The following IL7 variants were observed in gnomAD, a reference collection of about 807,000 sequenced individuals.
IL7 encodes the protein interleukin-7.
Under a neutral mutation model 21.6 loss-of-function variants are expected in IL7, and 3 were observed. That is an observed-to-expected ratio of 0.14 (90% CI 0.06 to 0.36). The LOEUF is 0.36. Among genes scored for constraint, IL7 ranks in the 10% least tolerant of loss-of-function variants. IL7 has a pLI of 1.00. For synonymous variants in IL7, 62 were observed against 68.1 expected, an observed-to-expected ratio of 0.91 and a Z score of 0.44; for missense variants, 175 against 200.2, an observed-to-expected ratio of 0.87 and a Z score of 0.76.
At chr8:78,729,604 G>C (rs1811389350), downstream of IL7, among the ~76,000 whole-genome samples, 1 of 151,922 alleles carries the variant, frequency 6.6e-6, no homozygotes, top group Non-Finnish European at 1.5e-5. Context: ...GGGATGCCAG[G>C]CAAGAAGGAG....
rs796296503 is a variant in IL7, at chr8:78,763,704, T to G, written c.148-23622A>C. Among the ~76,000 whole-genome samples the G allele has an allele frequency of 3.2e-4, 49 of 152,284 alleles. 1 individual carries two copies. The highest frequency in any genetic ancestry group is 1.1e-3 in the African/African-American group (44 of 41,578). On this transcript the variant is annotated intron_variant, in intron 2 of 5. Transcript: ENST00000263851. Reference sequence around the variant, plus strand: ...AATGATGTTACAAAACAAAAAATACTAATCCCAGATGAGTTTATTGCTGAA... The same window carrying G: ...AATGATGTTACAAAACAAAAAATACGAATCCCAGATGAGTTTATTGCTGAA...
intron 2 of IL7, among the ~76,000 whole-genome samples, chr8:78,750,773 G>A (rs1477209915): frequency 1.3e-5 from 2 of 152,130 alleles, no homozygotes; most frequent in Non-Finnish European, 2.9e-5. Context: ...TCTGTGAGCC[G>A]AGATCGTGCC....
At chr8:78,795,962 GAC>G (rs1256855991) in intron 2 of IL7, among the ~76,000 whole-genome samples, 1 of 152,030 alleles carries the variant, frequency 6.6e-6, no homozygotes, top group Non-Finnish European at 1.5e-5. Context: ...ATGTGGAAGA[GAC>G]AGTGGAGTAA....
At chr8:78,794,349 A>G (rs1813788413) in intron 2 of IL7, among the ~76,000 whole-genome samples, 1 of 152,128 alleles carries the variant, frequency 6.6e-6, no homozygotes, top group South Asian at 2.1e-4. Flanking sequence ...AACAGATGTT[A>G]TATTAGCAGT....
chr8:78,698,451 T>A (rs1315494289), intron 3 of IL7: 1 of 1,613,338 alleles, frequency 6.2e-7, no homozygotes, highest in Non-Finnish European at 8.5e-7. Flanking sequence ...GTAGCAGCTC[T>A]TTGGGAAACA....
chr8:78,748,038 A>G (rs1485442083), intron 2 of IL7, among the ~76,000 whole-genome samples: 3 of 152,212 alleles, frequency 2.0e-5, no homozygotes, highest in African/African-American at 7.2e-5. Context: ...ATGTGGCTAG[A>G]AAGAAGAGAG....
chr8:78,678,732 A>T (rs1809667125), intron 4 of IL7: 1 of 1,240,394 alleles, frequency 8.1e-7, no homozygotes, highest in South Asian at 1.5e-5. Flanking sequence ...GTATGTTGAA[A>T]AATATTATAT....
intron 2 of IL7, among the ~76,000 whole-genome samples, chr8:78,763,593 C>T (rs1014036801): frequency 5.9e-5 from 9 of 152,124 alleles, no homozygotes; most frequent in African/African-American, 2.2e-4. Flanking sequence ...GCATCAATTA[C>T]TCAAAAGGCA....
In IL7 at chr8:78,805,032, T is replaced by C. The variant is rs1814277593; in HGVS notation, c.-110A>G. ...TGGTCTTCCGCGGAGTTGCCGAGTC[T>C]GTGTTGGGCAGGGTGATCTCTGCAG... On this transcript the variant is annotated 5_prime_UTR_variant, in exon 1 of 6. Coordinates refer to ENST00000263851, the MANE Select transcript of IL7 (RefSeq NM_000880.4). 9.0e-6 allele frequency: 11 copies of C among 1,227,092 alleles called. No individual in the cohort carries two copies. The South Asian group carries it at 1.4e-4, about 16-fold the overall frequency. 76.0% of individuals were successfully genotyped at this position (1,227,092 alleles called of 1,614,324 possible).
rs1488753599 is a variant in IL7 at position 78,720,605 on chromosome 8, A to G, written n.476+415T>C. Among the ~76,000 whole-genome samples, 5 of 152,022 alleles carry G rather than the reference A, an allele frequency of 3.3e-5. No individual in the cohort carries two copies. The South Asian group carries it at 8.3e-4, about 25-fold the overall frequency. On this transcript the variant is annotated intron_variant and non_coding_transcript_variant, in intron 5 of 6. Transcript: ENST00000519833. Reference sequence around the variant, plus strand: ...TATGATTTTTTGACAACACGAAACTACAGAGATTTATAAGGGTAGTTTTCT... The same window carrying G: ...TATGATTTTTTGACAACACGAAACTGCAGAGATTTATAAGGGTAGTTTTCT...
At chr8:78,734,197 C>T (rs1811499988) in intron 5 of IL7, among the ~76,000 whole-genome samples, 1 of 152,098 alleles carries the variant, frequency 6.6e-6, no homozygotes, top group South Asian at 2.1e-4. Flanking sequence ...GAAGAATAAT[C>T]AACATTGAAA....
exon 5 of IL7, chr8:78,675,765 A>G (rs374601956): frequency 1.3e-6 from 2 of 1,570,968 alleles, no homozygotes; most frequent in African/African-American, 1.4e-5. Context: ...TAAATTATTT[A>G]TTAAATTCCT....
At chr8:78,773,177 G>C (rs1813016473) in intron 2 of IL7, among the ~76,000 whole-genome samples, 2 of 151,998 alleles carry the variant, frequency 1.3e-5, no homozygotes, top group Non-Finnish European at 2.9e-5. Flanking sequence ...GGACACCCTC[G>C]ATCACAGGGT....
At chr8:78,752,442 T>C (rs1163550599) in intron 2 of IL7, among the ~76,000 whole-genome samples, 3 of 152,348 alleles carry the variant, frequency 2.0e-5, no homozygotes, top group East Asian at 3.9e-4. Flanking sequence ...ACTTATCTTT[T>C]GTCTTTTTGA....
At chr8:78,787,725 C>T (rs1813558884) in intron 2 of IL7, among the ~76,000 whole-genome samples, 1 of 152,158 alleles carries the variant, frequency 6.6e-6, no homozygotes. Flanking sequence ...TGCTTTTCCC[C>T]AGTAGACATT....
chr8:78,761,531 T>A, intron 2 of IL7: 2 of 1,611,972 alleles, frequency 1.2e-6, no homozygotes, highest in South Asian at 2.2e-5. Flanking sequence ...ATCAGCTTCA[T>A]AAGGCAGGAA....
At chr8:78,778,450 T>A (rs571097645) in intron 2 of IL7, among the ~76,000 whole-genome samples, 262 of 152,178 alleles carry the variant, frequency 1.7e-3, no homozygotes, top group Admixed American at 4.0e-3. Context: ...AGATGCTTAA[T>A]AAATGTTTAA....
intron 3 of IL7, among the ~76,000 whole-genome samples, chr8:78,707,272 A>G (rs893923520): frequency 4.6e-5 from 7 of 152,202 alleles, no homozygotes; most frequent in African/African-American, 1.4e-4. Flanking sequence ...CAATTTTATC[A>G]GTTGGCAATA....
intron 3 of IL7, chr8:78,698,361 T>C: frequency 6.9e-7 from 1 of 1,444,686 alleles, no homozygotes; most frequent in Non-Finnish European, 9.5e-7. Context: ...GATGCTCTGT[T>C]TTATGTAACC....
Sources: allele counts gnomAD v4.1 joint callset (sites outside exome capture counted in the v4.1 genomes callset), GRCh38; gene constraint gnomAD v4.1.1; transcripts MANE v1.5; gene names NCBI Gene and HGNC (gene_info 2026-07-23, HGNC 2026-07-21).